The following NPAP1 variants were observed in gnomAD, a reference collection of about 807,000 sequenced individuals.
NPAP1 encodes the protein nuclear pore-associated protein 1.
For missense variants in NPAP1, 1,483 were observed against 1,454.5 expected (o/e 1.02, Z -0.32); for synonymous variants, 616 against 581.4 (o/e 1.06, Z -0.86).
In NPAP1 at chr15:24,683,189, CT is replaced by C; in HGVS notation, c.*3855del. The C allele has an allele frequency of 5.7e-6, 1 of 176,856 alleles. No homozygotes were observed. Among genetic ancestry groups the C allele is most frequent in the Non-Finnish European group, 1.2e-5 (1 of 85,254 alleles). The allele number at this position is 176,856 out of a possible 1,614,324, so 11.0% of individuals were successfully genotyped here. A position where few individuals can be genotyped will look rare whatever the true frequency, so the allele number is the denominator to read the frequency against. On this transcript the variant is annotated 3_prime_UTR_variant, in exon 1 of 1. Coordinates refer to ENST00000329468, the MANE Select transcript of NPAP1 (RefSeq NM_018958.3). ...CCTTTGTTCTCCTCTACCTTTGCCT[CT>C]TTTAAAAGTTCTAAATTGCTAGCCA...
chr15:24,678,666 C>T lies in NPAP1; in HGVS notation c.2799C>T (p.Val933=), dbSNP rs368406423. The change falls in exon 1 of 1, where the codon GTC becomes GTT. Residue 933 remains valine (V), a synonymous_variant. Coordinates refer to ENST00000329468, the MANE Select transcript of NPAP1 (RefSeq NM_018958.3). The part of the protein sequence containing the change: ...APVIGLTSPS[V]QPLSGSIIPP... ...TTATAGGCTTAACATCTCCTTCAGT[C>T]CAGCCACTGAGTGGCAGCATAATTC... 3.1e-6 allele frequency: 5 copies of T among 1,614,050 alleles called. No individual in the cohort carries two copies. The African/African-American group carries it at 6.7e-5, about 22-fold the overall frequency.
rs1188184692 is a variant in NPAP1, at chr15:24,678,087, C to G, written c.2220C>G (p.Ala740=). ...ACACACAACCCAGCGGCAACACTGC[C>G]TCAGTCCAAGGCTCCACCAGTTTGC... The part of the protein sequence containing the change: ...SGNTQPSGNT[A]SVQGSTSLPA... The change falls in exon 1 of 1, where the codon GCC becomes GCG. Residue 740 remains alanine (A), a synonymous_variant. Transcript: ENST00000329468. The G allele has an allele frequency of 5.6e-6, 9 of 1,613,674 alleles. No individual in the cohort carries two copies. The South Asian group carries it at 9.9e-5, about 18-fold the overall frequency.
rs780630817 is a variant in NPAP1 at position 24,677,402 on chromosome 15, C to G, written c.1535C>G (p.Thr512Arg). 3 of 1,614,036 alleles carry G rather than the reference C, an allele frequency of 1.9e-6. No homozygotes were observed. The African/African-American group carries it at 4.0e-5, about 22-fold the overall frequency. ...ACACCCTCCTTCAAGCCTCCCGTCA[C>G]AAGGGAGTCCCCAATATCTATGTGT... ...SSTPSFKPPV[T>R]RESPISMCVD... The change falls in exon 1 of 1, where the codon ACA becomes AGA. Residue 512 changes from threonine (T) to arginine (R), a missense_variant. Transcript: ENST00000329468.
At position 24,677,684 on chromosome 15, in the gene NPAP1, A is replaced by G. The variant is rs1265695213; in HGVS notation, c.1817A>G (p.His606Arg). 3 of 1,614,148 alleles carry G rather than the reference A, an allele frequency of 1.9e-6. No homozygotes were observed. The highest frequency in any genetic ancestry group is 2.7e-5 in the African/African-American group (2 of 75,026). Reference sequence around the variant, plus strand: ...AGCTCTCTCCCAAATTCCCAAATACATTGCAGTGCAGAGCAGAGGCACCCG... The same window carrying G: ...AGCTCTCTCCCAAATTCCCAAATACGTTGCAGTGCAGAGCAGAGGCACCCG... Reference protein sequence around the residue: ...RVSSLPNSQIHCSAEQRHPGK... With the variant: ...RVSSLPNSQIRCSAEQRHPGK... The change falls in exon 1 of 1, where the codon CAT becomes CGT. Residue 606 changes from histidine to arginine, a missense_variant. By Grantham distance (29) the His-to-Arg change is conservative. Transcript: ENST00000329468.
chr15:24,675,942 C>A lies in NPAP1; in HGVS notation c.75C>A (p.Pro25=), dbSNP rs776835685. 4 of 1,586,404 alleles carry A rather than the reference C, an allele frequency of 2.5e-6. No homozygotes were observed. Among genetic ancestry groups the A allele is most frequent in the Non-Finnish European group, 3.4e-6 (4 of 1,168,806 alleles). Residue 25 remains proline, a synonymous_variant, in exon 1 of 1, where the codon CCC becomes CCA. Transcript: ENST00000329468. The part of the protein sequence containing the change: ...RPLPGPGRGA[P]APLSRDASPP... ...TGCCAGGGCCAGGGCGTGGCGCCCCCGCTCCCCTGTCCCGGGACGCCTCCC... is the reference window on the plus strand; with the variant it reads ...TGCCAGGGCCAGGGCGTGGCGCCCCAGCTCCCCTGTCCCGGGACGCCTCCC...
Position 24,679,316 on chromosome 15 carries a change from A to G in NPAP1, c.3449A>G (p.His1150Arg), listed in dbSNP as rs1382525204. The G allele has an allele frequency of 3.1e-6, 5 of 1,612,782 alleles. No individual in the cohort carries two copies. In the Admixed American group the frequency reaches 8.3e-5, roughly 27 times the overall value. Reference protein sequence around the residue: ...YYGQETYVRRHVCFQLP With the variant: ...YYGQETYVRRRVCFQLP ...GGACAAGAAACATATGTTAGGAGAC[A>G]TGTCTGTTTCCAACTTCCGTAAGAG... is the stretch of plus-strand genomic sequence containing the variant. Residue 1150 changes from histidine (H) to arginine (R), a missense_variant, in exon 1 of 1, where the codon CAT becomes CGT. Transcript: ENST00000329468.
At position 24,677,554 on chromosome 15, in the gene NPAP1, G is replaced by A. The variant is rs764952868; in HGVS notation, c.1687G>A (p.Ala563Thr). The change falls in exon 1 of 1, where the codon GCC becomes ACC. Residue 563 changes from alanine to threonine, a missense_variant. Transcript: ENST00000329468. The stretch of plus-strand genomic sequence containing the variant: ...TTCCACTGTCACAACAAACGCATCT[G>A]CCCACCTAACCTCACAGACTGCGGT... ...VISTVTTNAS[A>T]HLTSQTAVDP... 2 of 1,614,030 alleles carry A rather than the reference G, an allele frequency of 1.2e-6. No homozygotes were observed.
At position 24,683,066 on chromosome 15, in the gene NPAP1, T is replaced by A. The variant is rs1324032787; in HGVS notation, c.*3728T>A. 1 of 169,694 alleles carries A rather than the reference T, an allele frequency of 5.9e-6. No homozygotes were observed. 10.5% of individuals were successfully genotyped at this position (169,694 alleles called of 1,614,324 possible). A position where few individuals can be genotyped will look rare whatever the true frequency, so the allele number is the denominator to read the frequency against. ...TTTAGCCTAAGTATTTGCCCTGGCA[T>A]GCTTATACTGGTCCAAGCATTAGGT... On this transcript the variant is annotated 3_prime_UTR_variant, in exon 1 of 1. Coordinates refer to ENST00000329468, the MANE Select transcript of NPAP1 (RefSeq NM_018958.3).
rs773179649 is a variant in NPAP1, at chr15:24,676,228, C to T, written c.361C>T (p.Arg121Cys). The T allele has an allele frequency of 3.3e-5, 50 of 1,522,318 alleles. No individual in the cohort carries two copies. The highest frequency in any genetic ancestry group is 1.1e-4 in the African/African-American group (8 of 71,650). The allele number at this position is 1,522,318 out of a possible 1,614,324, so 94.3% of individuals were successfully genotyped here. Residue 121 changes from arginine (R) to cysteine (C), a missense_variant, in exon 1 of 1, where the codon CGC becomes TGC. Arg to Cys is a radical substitution (Grantham distance 180, BLOSUM62 -3). Coordinates refer to ENST00000329468, the MANE Select transcript of NPAP1 (RefSeq NM_018958.3). The part of the protein sequence containing the change: ...PSSVRIPPPS[R>C]MFTLLLPSPR... ...TTCCGTAAGGATCCCTCCTCCCAGCCGCATGTTCACTCTCCTGCTGCCTTC... is the reference window on the plus strand; with the variant it reads ...TTCCGTAAGGATCCCTCCTCCCAGCTGCATGTTCACTCTCCTGCTGCCTTC...
Position 24,676,548 on chromosome 15 carries a change from G to T in NPAP1, c.681G>T (p.Ala227=), listed in dbSNP as rs750341266. The T allele has an allele frequency of 1.2e-6, 2 of 1,614,080 alleles. No individual in the cohort carries two copies. The highest frequency in any genetic ancestry group is 1.7e-6 in the Non-Finnish European group (2 of 1,180,012). The change falls in exon 1 of 1, where the codon GCG becomes GCT. Residue 227 remains alanine (A), a synonymous_variant. Coordinates refer to ENST00000329468, the MANE Select transcript of NPAP1 (RefSeq NM_018958.3). ...SENSMSEKAQ[A]SPASSCLEGP... ...ACAGCATGAGTGAGAAGGCCCAGGCGTCTCCAGCGAGCTCCTGCTTGGAAG... is the reference window on the plus strand; with the variant it reads ...ACAGCATGAGTGAGAAGGCCCAGGCTTCTCCAGCGAGCTCCTGCTTGGAAG...
At position 24,680,385 on chromosome 15, in the gene NPAP1, A is replaced by T. The variant is rs1183349859; in HGVS notation, c.*1047A>T. On this transcript the variant is annotated 3_prime_UTR_variant, in exon 1 of 1. Coordinates refer to ENST00000329468, the MANE Select transcript of NPAP1 (RefSeq NM_018958.3). ...CTGTGATGGAAAGCAGCCACTAGTGACACTTGTACCTGCCAAGGCCTTCAT... is the reference window on the plus strand; with the variant it reads ...CTGTGATGGAAAGCAGCCACTAGTGTCACTTGTACCTGCCAAGGCCTTCAT... The T allele has an allele frequency of 6.0e-6, 1 of 167,134 alleles. No homozygotes were observed. Among genetic ancestry groups the T allele is most frequent in the East Asian group, 1.9e-4 (1 of 5,186 alleles). 10.4% of individuals were successfully genotyped at this position (167,134 alleles called of 1,614,324 possible).
In NPAP1 at chr15:24,678,257, T is replaced by G. The variant is rs763146489; in HGVS notation, c.2390T>G (p.Ile797Ser). Reference protein sequence around the residue: ...PSAHDFLSLPIMVPPDTSTLV... With the variant: ...PSAHDFLSLPSMVPPDTSTLV... ...GCCCATGATTTCCTGAGCCTTCCTATCATGGTTCCTCCAGACACCTCCACT... is the reference window on the plus strand; with the variant it reads ...GCCCATGATTTCCTGAGCCTTCCTAGCATGGTTCCTCCAGACACCTCCACT... The change falls in exon 1 of 1, where the codon ATC becomes AGC. Residue 797 changes from isoleucine (I) to serine (S), a missense_variant. By Grantham distance (142) the Ile-to-Ser change is moderately radical. Coordinates refer to ENST00000329468, the MANE Select transcript of NPAP1 (RefSeq NM_018958.3). The G allele has an allele frequency of 6.2e-7, 1 of 1,613,610 alleles. No homozygotes were observed. The highest frequency in any genetic ancestry group is 8.5e-7 in the Non-Finnish European group (1 of 1,179,818).
chr15:24,678,873 T>G lies in NPAP1; in HGVS notation c.3006T>G (p.Ile1002Met), dbSNP rs754778158. 1.2e-6 allele frequency: 2 copies of G among 1,614,130 alleles called. No individual in the cohort carries two copies. Among genetic ancestry groups the G allele is most frequent in the South Asian group, 1.1e-5 (1 of 91,080 alleles). ...GTACCTTACTGGTTGGAAATACTAT[T>G]CCAGGCCCACAAGTGATTATGGGAC... ...GDSTLLVGNT[I>M]PGPQVIMGPG... The change falls in exon 1 of 1, where the codon ATT becomes ATG. Residue 1002 changes from isoleucine to methionine, a missense_variant. By Grantham distance (10) the Ile-to-Met change is conservative. Transcript: ENST00000329468.
Position 24,677,690 on chromosome 15 carries a change from G to T in NPAP1, c.1823G>T (p.Ser608Ile). The T allele has an allele frequency of 1.2e-6, 2 of 1,614,184 alleles. No individual in the cohort carries two copies. Among genetic ancestry groups the T allele is most frequent in the Non-Finnish European group, 1.7e-6 (2 of 1,180,028 alleles). ...CTCCCAAATTCCCAAATACATTGCAGTGCAGAGCAGAGGCACCCGGGAAAG... is the reference window on the plus strand; with the variant it reads ...CTCCCAAATTCCCAAATACATTGCATTGCAGAGCAGAGGCACCCGGGAAAG... ...SSLPNSQIHC[S>I]AEQRHPGKTS... Residue 608 changes from serine (S) to isoleucine (I), a missense_variant, in exon 1 of 1, where the codon AGT becomes ATT. Physicochemically the swap from Ser to Ile is moderately radical, Grantham distance 142 (BLOSUM62 -2). Coordinates refer to ENST00000329468, the MANE Select transcript of NPAP1 (RefSeq NM_018958.3).
In NPAP1 at chr15:24,676,874, T is replaced by C. The variant is rs201146021; in HGVS notation, c.1007T>C (p.Leu336Pro). The stretch of plus-strand genomic sequence containing the variant: ...AGGAAAATGTCGATTCCATTGCTGC[T>C]GCCGCTGCCCCCTTCACTGCCATTG... ...CKRKMSIPLLLPLPPSLPLLW... is the reference protein window; with the variant it reads ...CKRKMSIPLLPPLPPSLPLLW... Residue 336 changes from leucine (L) to proline (P), a missense_variant, in exon 1 of 1, where the codon CTG becomes CCG. Leu to Pro is a moderately conservative substitution (Grantham distance 98). Transcript: ENST00000329468. The C allele has an allele frequency of 6.8e-6, 11 of 1,613,460 alleles. No individual in the cohort carries two copies. Among genetic ancestry groups the C allele is most frequent in the African/African-American group, 1.3e-5 (1 of 75,034 alleles).
At position 24,678,095 on chromosome 15, in the gene NPAP1, A is replaced by G. The variant is rs751408797; in HGVS notation, c.2228A>G (p.Gln743Arg). Residue 743 changes from glutamine (Q) to arginine (R), a missense_variant, in exon 1 of 1, where the codon CAA becomes CGA. Transcript: ENST00000329468. ...TQPSGNTASV[Q>R]GSTSLPAQSV... ...CCCAGCGGCAACACTGCCTCAGTCCAAGGCTCCACCAGTTTGCCTGCACAG... is the reference window on the plus strand; with the variant it reads ...CCCAGCGGCAACACTGCCTCAGTCCGAGGCTCCACCAGTTTGCCTGCACAG... 6 of 1,613,316 alleles carry G rather than the reference A, an allele frequency of 3.7e-6. No individual in the cohort carries two copies. In the Admixed American group the frequency reaches 8.3e-5, roughly 22 times the overall value.
chr15:24,676,486 C>T lies in NPAP1; in HGVS notation c.619C>T (p.Pro207Ser), dbSNP rs768424068. The T allele has an allele frequency of 2.1e-5, 34 of 1,614,094 alleles. No homozygotes were observed. The South Asian group carries it at 3.3e-4, about 16-fold the overall frequency. ...DVASFRCSPG[P>S]LEGNVYHKFS... ...GGCCTCCTTCAGATGCAGCCCTGGG[C>T]CTCTGGAGGGAAATGTCTACCACAA... The change falls in exon 1 of 1, where the codon CCT becomes TCT. Residue 207 changes from proline (P) to serine (S), a missense_variant. Physicochemically the swap from Pro to Ser is moderately conservative, Grantham distance 74. Coordinates refer to ENST00000329468, the MANE Select transcript of NPAP1 (RefSeq NM_018958.3).
At position 24,675,911 on chromosome 15, in the gene NPAP1, G is replaced by C. The variant is rs554898044; in HGVS notation, c.44G>C (p.Arg15Pro). The C allele has an allele frequency of 7.0e-6, 11 of 1,581,100 alleles. No homozygotes were observed. The highest frequency in any genetic ancestry group is 9.4e-6 in the Non-Finnish European group (11 of 1,167,088). ...AAATTTAGACCCGGGTGCCGCCGCC[G>C]GCCCCTGCCAGGGCCAGGGCGTGGC... is the stretch of plus-strand genomic sequence containing the variant. ...LSKFRPGCRR[R>P]PLPGPGRGAP... Residue 15 changes from arginine to proline, a missense_variant, in exon 1 of 1, where the codon CGG becomes CCG. Coordinates refer to ENST00000329468, the MANE Select transcript of NPAP1 (RefSeq NM_018958.3).
rs772295703 is a variant in NPAP1 at position 24,676,725 on chromosome 15, G to A, written c.858G>A (p.Pro286=). Residue 286 remains proline (P), a synonymous_variant, in exon 1 of 1, where the codon CCG becomes CCA. Coordinates refer to ENST00000329468, the MANE Select transcript of NPAP1 (RefSeq NM_018958.3). Reference sequence around the variant, plus strand: ...CGGAAGTGCTGAATGAAGAGCCACCGCCCAGCTCCCTAGGCTTGCCGATTC... The same window carrying A: ...CGGAAGTGCTGAATGAAGAGCCACCACCCAGCTCCCTAGGCTTGCCGATTC... ...LAAEVLNEEP[P]PSSLGLPIPL... 4 of 1,613,966 alleles carry A rather than the reference G, an allele frequency of 2.5e-6. No homozygotes were observed. The highest frequency in any genetic ancestry group is 2.2e-5 in the East Asian group (1 of 44,868).
Sources: gnomAD v4.1 joint callset for allele counts on GRCh38, gnomAD v4.1.1 for gene constraint, MANE v1.5 for transcripts, NCBI Gene and HGNC (gene_info 2026-07-23, HGNC 2026-07-21) for gene names.